PANK2: variants seen among roughly 807,000 people sequenced by gnomAD.
PANK2 encodes the protein pantothenate kinase 2.
Under a neutral mutation model 43.1 loss-of-function variants are expected in PANK2, and 36 were observed. That is an observed-to-expected ratio of 0.84 (90% confidence interval 0.64 to 1.10). The LOEUF is 1.10. PANK2 is among the 50% of genes least tolerant of loss of function. The probability of loss-of-function intolerance (pLI) is 0.00; values close to 1 mark genes in which losing one functional copy is unlikely to be tolerated. For missense variants in PANK2, 576 were observed against 593.3 expected, an observed-to-expected ratio of 0.97 and a Z score of 0.30; for synonymous variants, 281 against 238.2, an observed-to-expected ratio of 1.18 and a Z score of -1.66.
Position 3,924,385 on chromosome 20 carries a change from C to T in PANK2, c.*1091C>T, listed in dbSNP as rs2090691046. The T allele has an allele frequency of 6.6e-6, 1 of 152,264 alleles. No individual in the cohort carries two copies. Among genetic ancestry groups the T allele is most frequent in the Non-Finnish European group, 1.5e-5 (1 of 68,080 alleles). The allele number at this position is 152,264 out of a possible 1,614,324, so 9.4% of individuals were successfully genotyped here. On this transcript the variant is annotated 3_prime_UTR_variant, in exon 7 of 7. Transcript: ENST00000610179. ...GAGGGAAAACCCCAAGGCTCTGCAG[C>T]CTCCCTGCTCCCCTCCGTTTAAGGC...
chr20:3,912,498 A>G lies in PANK2; in HGVS notation c.946A>G (p.Thr316Ala), dbSNP rs1189480321. Residue 316 changes from threonine (T) to alanine (A), a missense_variant, in exon 4 of 7, where the codon ACT becomes GCT. By Grantham distance (58) the Thr-to-Ala change is moderately conservative. Around this residue, in one of 2 missense-constraint regions of PANK2, gnomAD observed 544 missense variants for 528.9 expected, o/e 1.03. Transcript: ENST00000610179. The stretch of plus-strand genomic sequence containing the variant: ...TTTTTTTGGTCTCTGCTGTCTTCTT[A>G]CTGGCTGTACCACTTTTGAAGAAGC... 6.2e-7 allele frequency: 1 copy of G among 1,614,166 alleles called. No individual in the cohort carries two copies. Among genetic ancestry groups the G allele is most frequent in the Admixed American group, 1.7e-5 (1 of 60,008 alleles).
In PANK2 at chr20:3,917,045, A is replaced by G. The variant is rs767653843; in HGVS notation, c.1201A>G (p.Asn401Asp). Reference sequence around the variant, plus strand: ...CTCAATAGCAAGAATGTGTGCCCTTAATGAAGTAAGGGGACATGGATTTCT... The same window carrying G: ...CTCAATAGCAAGAATGTGTGCCCTTGATGAAGTAAGGGGACATGGATTTCT... The change falls in exon 5 of 7, where the codon AAT becomes GAT. Residue 401 changes from asparagine to aspartate, a missense_variant. Coordinates refer to ENST00000610179, the MANE Select transcript of PANK2 (RefSeq NM_001386393.1). The G allele has an allele frequency of 3.3e-5, 53 of 1,613,932 alleles. No homozygotes were observed. The highest frequency in any genetic ancestry group is 4.2e-5 in the Non-Finnish European group (50 of 1,179,988).
Position 3,908,168 on chromosome 20 carries a change from G to A in PANK2, c.541G>A (p.Asp181Asn). ...GCACTTTATACGCTTTCCCACTCAT[G>A]ACATGCCTGCTTTTATTCAAATGGG... The change falls in exon 2 of 7, where the codon GAC becomes AAC. Residue 181 changes from aspartate (D) to asparagine (N), a missense_variant. Transcript: ENST00000610179. The A allele has an allele frequency of 6.2e-7, 1 of 1,614,188 alleles. No individual in the cohort carries two copies. The highest frequency in any genetic ancestry group is 8.5e-7 in the Non-Finnish European group (1 of 1,180,016).
chr20:3,914,086 GC>G (rs1476553477), intron 4 of PANK2, among the ~76,000 whole-genome samples: 2 of 151,718 alleles, frequency 1.3e-5, no homozygotes, highest in East Asian at 1.9e-4. Context: ...ACTGCGCCTG[GC>G]CTGCACATAT....
At chr20:3,918,871 T>A in intron 6 of PANK2, 75 bp downstream of exon 6, 3 of 1,609,072 alleles carry the variant, frequency 1.9e-6, no homozygotes, top group Non-Finnish European at 2.6e-6. Context: ...GAACTTGAGG[T>A]AGAGGGTGGA....
chr20:3,913,553 G>A (rs2090503358), intron 4 of PANK2, among the ~76,000 whole-genome samples: 1 of 151,746 alleles, frequency 6.6e-6, no homozygotes. Flanking sequence ...CATGTTGGCC[G>A]GGCAGGTCTC....
At chr20:3,889,984 TC>T in intron 1 of PANK2, 1 of 1,438,358 alleles carries the variant, frequency 7.0e-7, no homozygotes, top group Non-Finnish European at 9.3e-7. Context: ...GGACCTGTCC[TC>T]CCTTTTCTTA....
chr20:3,896,268 C>T (rs1023697911), intron 1 of PANK2, among the ~76,000 whole-genome samples: 12 of 131,338 alleles, frequency 9.1e-5, no homozygotes, highest in Admixed American at 2.6e-4. Context: ...TTAGTAGAGA[C>T]GGGGTTTCAC....
intron 2 of PANK2, 23 bp downstream of exon 2, chr20:3,908,301 A>G: frequency 6.5e-7 from 1 of 1,543,958 alleles, no homozygotes; most frequent in African/African-American, 1.4e-5. Context: ...TAGCTTATAT[A>G]CAATTTATGG....
chr20:3,904,843 G>T (rs1222514417), intron 1 of PANK2, among the ~76,000 whole-genome samples: 2 of 151,968 alleles, frequency 1.3e-5, no homozygotes, highest in Admixed American at 6.6e-5. Flanking sequence ...TATTTCCCTT[G>T]TAGTTTTTCT....
At chr20:3,906,082 G>C (rs1421705076) in intron 1 of PANK2, among the ~76,000 whole-genome samples, 1 of 151,978 alleles carries the variant, frequency 6.6e-6, no homozygotes, top group Non-Finnish European at 1.5e-5. Context: ...GATGCTTTTT[G>C]ACTTACGATG....
Position 3,925,830 on chromosome 20 carries a change from A to G in PANK2, c.*2536A>G, listed in dbSNP as rs556498844. On this transcript the variant is annotated 3_prime_UTR_variant, in exon 7 of 7. Transcript: ENST00000610179. ...CACTGCCTTCTCTCTGCATTTGTTGATCTCTGTGCAGCAGTGCCCACATCC... is the reference window on the plus strand; with the variant it reads ...CACTGCCTTCTCTCTGCATTTGTTGGTCTCTGTGCAGCAGTGCCCACATCC... 1.3e-5 allele frequency: 2 copies of G among 151,920 alleles called. No individual in the cohort carries two copies. The highest frequency in any genetic ancestry group is 1.9e-4 in the East Asian group (1 of 5,156). 9.4% of individuals were successfully genotyped at this position (151,920 alleles called of 1,614,324 possible). A position where few individuals can be genotyped will look rare whatever the true frequency, so the allele number is the denominator to read the frequency against.
At chr20:3,910,917 A>T in intron 3 of PANK2, 87 bp downstream of exon 3, 1 of 1,490,294 alleles carries the variant, frequency 6.7e-7, no homozygotes, top group South Asian at 1.2e-5. Flanking sequence ...ACCTTCAAGA[A>T]CCTGTTAGGT....
At chr20:3,889,999 C>T (rs1463215017) in intron 1 of PANK2, 5 of 1,325,350 alleles carry the variant, frequency 3.8e-6, no homozygotes, top group South Asian at 2.6e-5. Flanking sequence ...TTTCTTAGCT[C>T]CTTGGGCATT....
intron 5 of PANK2, among the ~76,000 whole-genome samples, chr20:3,917,939 G>C (rs776225249): frequency 1.2e-4 from 18 of 152,114 alleles, no homozygotes; most frequent in Admixed American, 7.2e-4. Flanking sequence ...ATATTTATTT[G>C]ATCAAGTTCT....
chr20:3,914,438 C>G (rs1022351585), intron 4 of PANK2, among the ~76,000 whole-genome samples: 1 of 151,822 alleles, frequency 6.6e-6, no homozygotes, highest in African/African-American at 2.4e-5. Context: ...GCCTCAGTCT[C>G]CTGAGTCACT....
chr20:3,904,357 G>A (rs2090352084), intron 1 of PANK2, among the ~76,000 whole-genome samples: 1 of 152,002 alleles, frequency 6.6e-6, no homozygotes, highest in South Asian at 2.1e-4. Context: ...AAAGTGGGAG[G>A]ATTGCTGGAG....
chr20:3,912,663 A>G (rs757489558), intron 4 of PANK2, 29 bp downstream of exon 4: 56 of 1,611,548 alleles, frequency 3.5e-5, no homozygotes, highest in South Asian at 1.1e-4. Flanking sequence ...TCTAAGAAAT[A>G]CAGGCGGGCC....
rs1342424633 is a variant in PANK2 at position 3,916,970 on chromosome 20, A to G, written c.1126A>G (p.Lys376Glu). The change falls in exon 5 of 7, where the codon AAA (lysine) becomes GAA (glutamate). Residue 376 changes from lysine to glutamate, a missense_variant. Physicochemically the swap from Lys to Glu is moderately conservative, Grantham distance 56 (BLOSUM62 1). This residue lies in a region of PANK2 where 544 missense variants were observed against 528.9 expected (regional missense o/e 1.03). Coordinates refer to ENST00000610179, the MANE Select transcript of PANK2 (RefSeq NM_001386393.1). ...CAAGGAGAAGCGAGAGGCTGTCAGTAAAGAGGACCTGGCCAGAGCGACTTT... is the reference window on the plus strand; with the variant it reads ...CAAGGAGAAGCGAGAGGCTGTCAGTGAAGAGGACCTGGCCAGAGCGACTTT... 1.2e-6 allele frequency: 2 copies of G among 1,614,076 alleles called. No individual in the cohort carries two copies. The highest frequency in any genetic ancestry group is 1.7e-5 in the Admixed American group (1 of 60,008).
Sources: allele counts gnomAD v4.1 joint callset (sites outside exome capture counted in the v4.1 genomes callset), GRCh38; gene constraint gnomAD v4.1.1; regional missense constraint gnomAD v4.1.1; transcripts MANE v1.5; gene names NCBI Gene and HGNC (gene_info 2026-07-23, HGNC 2026-07-21).